The following NBAS variants were observed in gnomAD, a reference collection of about 807,000 sequenced individuals.
NBAS encodes the protein NAG/BC035112 fusion.
In NBAS, 219 loss-of-function variants were observed where a neutral mutation model predicts 302.5. The ratio of observed to expected loss-of-function variants is 0.72; its 90% CI spans 0.65 to 0.81. NBAS has a LOEUF of 0.81. Among genes scored for constraint, NBAS ranks in the 30% least tolerant of loss-of-function variants. The pLI is 0.00. For synonymous variants in NBAS, 1,118 were observed against 1,021.6 expected (o/e 1.09, Z -1.80); for missense variants, 2,932 against 2,841.6 (o/e 1.03, Z -0.72).
chr2:15,500,898 T>A (rs907365566), intron 11 of NBAS, among the ~76,000 whole-genome samples: 1 of 150,580 alleles, frequency 6.6e-6, no homozygotes, highest in South Asian at 2.1e-4. Flanking sequence ...CACTCCAGCC[T>A]GGGTGACAGA....
the NBAS span, among the ~76,000 whole-genome samples, chr2:15,053,989 A>G: frequency 6.6e-6 from 1 of 151,382 alleles, no homozygotes. Context: ...TTTTTGAGGC[A>G]TTATGGTGGG....
At chr2:15,246,417 C>T (rs927499660) in intron 44 of NBAS, among the ~76,000 whole-genome samples, 11 of 152,234 alleles carry the variant, frequency 7.2e-5, no homozygotes, top group Non-Finnish European at 1.5e-4. Flanking sequence ...TAATGTCTAA[C>T]ACACTGTAGA....
the NBAS span, among the ~76,000 whole-genome samples, chr2:14,996,286 C>CT: frequency 6.6e-6 from 1 of 152,084 alleles, no homozygotes; most frequent in Non-Finnish European, 1.5e-5. Context: ...TATATATTGG[C>CT]TTTTTTCATC....
At chr2:15,271,427 G>A (rs1035429134) in intron 44 of NBAS, among the ~76,000 whole-genome samples, 2 of 152,158 alleles carry the variant, frequency 1.3e-5, no homozygotes, top group South Asian at 2.1e-4. Flanking sequence ...TAGAAGCAGT[G>A]GTTTACGATG....
At chr2:15,207,888 A>G (rs1381889064) in intron 48 of NBAS, among the ~76,000 whole-genome samples, 1 of 151,788 alleles carries the variant, frequency 6.6e-6, no homozygotes, top group Admixed American at 6.6e-5. Context: ...GGACTAACAT[A>G]GTAACTAACA....
At chr2:14,905,832 G>T in the NBAS span, among the ~76,000 whole-genome samples, 3 of 152,072 alleles carry the variant, frequency 2.0e-5, no homozygotes, top group Admixed American at 2.0e-4. Flanking sequence ...TCCCATCGAG[G>T]CTCAAAGGCA....
At chr2:15,165,734 G>C (rs1209786215), downstream of NBAS, among the ~76,000 whole-genome samples, 3 of 152,198 alleles carry the variant, frequency 2.0e-5, no homozygotes, top group Non-Finnish European at 4.4e-5. Context: ...AAGACCACCA[G>C]GGAGCCCCGT....
the NBAS span, among the ~76,000 whole-genome samples, chr2:14,994,465 G>C: frequency 6.6e-6 from 1 of 152,196 alleles, no homozygotes; most frequent in African/African-American, 2.4e-5. Context: ...AGCCCATCCT[G>C]CATGTGCCAG....
At chr2:15,172,073 C>T (rs778724209) in intron 51 of NBAS, among the ~76,000 whole-genome samples, 35 of 152,310 alleles carry the variant, frequency 2.3e-4, no homozygotes, top group Middle Eastern at 6.8e-3. Context: ...GTAAGCACAA[C>T]CACATAATGA....
Position 15,167,313 on chromosome 2 carries a change from G to A in NBAS, c.6851C>T (p.Ser2284Phe), listed in dbSNP as rs990619568. The A allele has an allele frequency of 6.2e-7, 1 of 1,614,062 alleles. No individual in the cohort carries two copies. The highest frequency in any genetic ancestry group is 1.3e-5 in the African/African-American group (1 of 74,932). ...GGAAAGAAGTTCTTGGTCACAATTG[G>A]AATCATTCACCTTCAAGAAATAAGA... is the stretch of plus-strand genomic sequence containing the variant. ...QITAVTTVND[S>F]NCDQELLSLL... The change falls in exon 52 of 52, where the codon TCC (serine) becomes TTC (phenylalanine). Residue 2284 changes from serine to phenylalanine, a missense_variant. Transcript: ENST00000281513.
At chr2:15,385,825 GTAAA>G (rs1184615722) in intron 28 of NBAS, among the ~76,000 whole-genome samples, 1 of 152,048 alleles carries the variant, frequency 6.6e-6, no homozygotes, top group Non-Finnish European at 1.5e-5. Context: ...CATATTCACA[GTAAA>G]TAGATTACCA....
At chr2:15,209,781 C>A (rs1036516894) in intron 48 of NBAS, among the ~76,000 whole-genome samples, 3 of 152,112 alleles carry the variant, frequency 2.0e-5, no homozygotes, top group Non-Finnish European at 4.4e-5. Flanking sequence ...GATACACAAA[C>A]ATCAGTGGAA....
At chr2:15,030,169 G>A in the NBAS span, among the ~76,000 whole-genome samples, 1 of 152,094 alleles carries the variant, frequency 6.6e-6, no homozygotes, top group Non-Finnish European at 1.5e-5. Flanking sequence ...GGGAAAGTGT[G>A]GAAGGTGATG....
At chr2:15,160,654 G>A in the NBAS span, among the ~76,000 whole-genome samples, 2 of 149,948 alleles carry the variant, frequency 1.3e-5, no homozygotes, top group African/African-American at 4.9e-5. Context: ...CACAATCTCT[G>A]ATTGCCTGCA....
At chr2:14,926,160 A>G in the NBAS span, among the ~76,000 whole-genome samples, 3 of 152,180 alleles carry the variant, frequency 2.0e-5, no homozygotes, top group African/African-American at 7.2e-5. Context: ...TGCATTTTGA[A>G]TAAGTTCCTT....
At chr2:15,375,236 T>C (rs1210511781) in intron 30 of NBAS, among the ~76,000 whole-genome samples, 3 of 152,164 alleles carry the variant, frequency 2.0e-5, no homozygotes, top group Non-Finnish European at 4.4e-5. Flanking sequence ...TAATACACAG[T>C]TCTGAGATGA....
rs371442984 is a variant in NBAS at position 15,383,320 on chromosome 2, G to A, written c.3258-3C>T. 1 of 1,610,464 alleles carries A rather than the reference G, an allele frequency of 6.2e-7. No individual in the cohort carries two copies. The highest frequency in any genetic ancestry group is 8.5e-7 in the Non-Finnish European group (1 of 1,177,026). ...GAGACTCACTGACAGGAGGCTGCCT[G>A]GAAAAACACATAAAAAAGACAAGGA... On this transcript the variant is annotated splice_polypyrimidine_tract_variant and splice_region_variant and intron_variant, in intron 28 of 51. Transcript: ENST00000281513.
chr2:15,243,731 G>A (rs369890965), intron 44 of NBAS, among the ~76,000 whole-genome samples: 71 of 152,280 alleles, frequency 4.7e-4, no homozygotes, highest in Middle Eastern at 3.4e-3. Flanking sequence ...GTTATATGAT[G>A]CTGTGGGTAT....
intron 49 of NBAS, among the ~76,000 whole-genome samples, chr2:15,190,056 T>C (rs1665275059): frequency 6.6e-6 from 1 of 152,194 alleles, no homozygotes; most frequent in South Asian, 2.1e-4. Context: ...CTGATACTTT[T>C]GAATAAAATA....
Sources: allele counts gnomAD v4.1 joint callset (sites outside exome capture counted in the v4.1 genomes callset), GRCh38; gene constraint gnomAD v4.1.1; transcripts MANE v1.5; gene names NCBI Gene and HGNC (gene_info 2026-07-23, HGNC 2026-07-21).